Variants in CCDC30 observed in about 807,000 individuals in gnomAD.
CCDC30 encodes coiled-coil domain containing 30.
A neutral mutation model predicts 100.2 loss-of-function variants in CCDC30; 70 were observed. That is an observed-to-expected ratio of 0.70 (90% CI 0.58 to 0.85). The LOEUF (loss-of-function observed/expected upper bound fraction) is 0.85. Ranked by LOEUF, CCDC30 falls within the 40% of genes least tolerant of loss-of-function variation. CCDC30 has a pLI of 0.00. For synonymous variants in CCDC30, 233 were observed against 269.5 expected, an observed-to-expected ratio of 0.86 and a Z score of 1.33; for missense variants, 652 against 771.2, an observed-to-expected ratio of 0.85 and a Z score of 1.83.
At chr1:42,544,689 T>C (rs979519081) in intron 6 of CCDC30, among the ~76,000 whole-genome samples, 4 of 151,984 alleles carry the variant, frequency 2.6e-5, no homozygotes, top group African/African-American at 4.8e-5. Flanking sequence ...TAATTTTTCA[T>C]AGAGACAGGA....
chr1:42,626,288 T>C (rs1646932386), intron 11 of CCDC30, among the ~76,000 whole-genome samples: 2 of 152,238 alleles, frequency 1.3e-5, no homozygotes, highest in South Asian at 4.1e-4. Flanking sequence ...GATCATTGAG[T>C]CTTGCTTTTT....
At chr1:42,651,083 ATTAAAGAC>A (rs1270753418) in intron 15 of CCDC30, among the ~76,000 whole-genome samples, 1 of 152,234 alleles carries the variant, frequency 6.6e-6, no homozygotes, top group Non-Finnish European at 1.5e-5. Flanking sequence ...CTCCAAATGG[ATTAAAGAC>A]TTAAAGACAA....
intron 7 of CCDC30, among the ~76,000 whole-genome samples, chr1:42,567,511 C>A (rs1044411191): frequency 8.5e-5 from 13 of 152,256 alleles, no homozygotes; most frequent in Admixed American, 2.0e-4. Context: ...AACAAATATC[C>A]GTTTATCCCA....
intron 6 of CCDC30, among the ~76,000 whole-genome samples, chr1:42,535,591 G>A (rs1213493490): frequency 7.3e-6 from 1 of 136,500 alleles, no homozygotes; most frequent in Middle Eastern, 3.9e-3. Flanking sequence ...CGGGCACGGT[G>A]GCTCACACCT....
intron 6 of CCDC30, among the ~76,000 whole-genome samples, chr1:42,525,501 T>A (rs1644710402): frequency 6.6e-6 from 1 of 152,192 alleles, no homozygotes; most frequent in African/African-American, 2.4e-5. Context: ...TCTTTTATCT[T>A]TTATTCATTA....
chr1:42,481,056 A>C (rs1403193354), intron 2 of CCDC30, among the ~76,000 whole-genome samples: 1 of 151,788 alleles, frequency 6.6e-6, no homozygotes, highest in Non-Finnish European at 1.5e-5. Context: ...GTCTGCAGTG[A>C]GCTATGGTTG....
At chr1:42,599,949 C>G (rs1243896519) in intron 10 of CCDC30, among the ~76,000 whole-genome samples, 1 of 151,964 alleles carries the variant, frequency 6.6e-6, no homozygotes, top group Non-Finnish European at 1.5e-5. Flanking sequence ...GGAAGCAAGG[C>G]ACATCTTACA....
chr1:42,500,234 C>T (rs925400376), intron 6 of CCDC30: 1 of 1,600,666 alleles, frequency 6.2e-7, no homozygotes. Context: ...TTCTCCTGTT[C>T]AATCGTTTCT....
chr1:42,495,477 G>A (rs1644217596), intron 4 of CCDC30, among the ~76,000 whole-genome samples: 2 of 150,922 alleles, frequency 1.3e-5, no homozygotes, highest in African/African-American at 2.4e-5. Context: ...TGCACATTGT[G>A]CACATGTACC....
intron 3 of CCDC30, among the ~76,000 whole-genome samples, chr1:42,484,604 G>A (rs1644020061): frequency 6.6e-6 from 1 of 152,188 alleles, no homozygotes; most frequent in Non-Finnish European, 1.5e-5. Context: ...AATGTTGTGT[G>A]CAGTATCAGT....
chr1:42,545,468 C>T lies in CCDC30; in HGVS notation c.457-20828C>T, dbSNP rs1315611101. 1.2e-6 allele frequency: 2 copies of T among 1,602,492 alleles called. No homozygotes were observed. Among genetic ancestry groups the T allele is most frequent in the Non-Finnish European group, 1.7e-6 (2 of 1,176,104 alleles). ...AATCATTTTACTCTAGGGGGAAAAA[C>T]TGCACCTTCTAATTTAATTACAAGT... is the stretch of plus-strand genomic sequence containing the variant. On this transcript the variant is annotated intron_variant, in intron 6 of 16. Transcript: ENST00000668663.
rs1646336753 is a variant in CCDC30, at chr1:42,598,457, A to G, written c.1164+8974A>G. Among the ~76,000 whole-genome samples the G allele has an allele frequency of 1.3e-5, 2 of 152,050 alleles. 1 individual carries two copies. Among genetic ancestry groups the G allele is most frequent in the South Asian group, 4.1e-4 (2 of 4,830 alleles). Reference sequence around the variant, plus strand: ...ACTGGGAGTGGGTTAAGGTGGAAGGAATTTTTGAGCCCAGAAGGTTGAAGC... The same window carrying G: ...ACTGGGAGTGGGTTAAGGTGGAAGGGATTTTTGAGCCCAGAAGGTTGAAGC... On this transcript the variant is annotated intron_variant, in intron 10 of 16. Transcript: ENST00000668663.
intron 6 of CCDC30, among the ~76,000 whole-genome samples, chr1:42,511,314 C>T (rs1644474222): frequency 6.6e-6 from 1 of 152,098 alleles, no homozygotes; most frequent in Non-Finnish European, 1.5e-5. Context: ...TGATCTGCAT[C>T]CTCCCTCAAA....
At chr1:42,498,998 C>G in intron 6 of CCDC30, 82 bp downstream of exon 6, 1 of 653,468 alleles carries the variant, frequency 1.5e-6, no homozygotes, top group Admixed American at 4.3e-5. Flanking sequence ...GTGATTGGTG[C>G]TAATCATTTG....
chr1:42,556,988 G>T (rs896782962), intron 6 of CCDC30, among the ~76,000 whole-genome samples: 10 of 152,148 alleles, frequency 6.6e-5, no homozygotes, highest in African/African-American at 2.4e-4. Context: ...GGATCTGCCT[G>T]TAGGAGAAAT....
intron 6 of CCDC30, among the ~76,000 whole-genome samples, chr1:42,553,403 A>G (rs1645295942): frequency 1.8e-5 from 2 of 110,832 alleles, no homozygotes; most frequent in African/African-American, 5.2e-5. Flanking sequence ...TATAATGTTC[A>G]GAGTTTTTAG....
intron 13 of CCDC30, 27 bp from the exon 18 acceptor site, chr1:42,644,666 C>A: frequency 7.4e-7 from 1 of 1,343,902 alleles, no homozygotes; most frequent in Non-Finnish European, 1.1e-6. Flanking sequence ...AATCTCTAAT[C>A]ATGCCACTGA....
chr1:42,625,979 G>C (rs1356196529), intron 11 of CCDC30, among the ~76,000 whole-genome samples: 1 of 152,040 alleles, frequency 6.6e-6, no homozygotes, highest in East Asian at 1.9e-4. Flanking sequence ...ACTGTATTGG[G>C]ATCTGTCTCT....
At chr1:42,639,397 A>G (rs925296539) in intron 12 of CCDC30, among the ~76,000 whole-genome samples, 9 of 152,174 alleles carry the variant, frequency 5.9e-5, no homozygotes, top group Admixed American at 5.9e-4. Flanking sequence ...CCCCATGAGT[A>G]ATTAACCCTG....
Sources: allele counts gnomAD v4.1 joint callset (sites outside exome capture counted in the v4.1 genomes callset), GRCh38; gene constraint gnomAD v4.1.1; transcripts MANE v1.5; gene names NCBI Gene and HGNC (gene_info 2026-07-23, HGNC 2026-07-21).